The following NOS1AP variants were observed in gnomAD, a reference collection of about 807,000 sequenced individuals.
NOS1AP encodes the protein carboxyl-terminal PDZ ligand of neuronal nitric oxide synthase protein.
Under a neutral mutation model 56.2 loss-of-function variants are expected in NOS1AP, and 21 were observed. The observed-to-expected ratio is 0.37, with a 90% confidence interval of 0.26 to 0.54. NOS1AP has a LOEUF of 0.54. NOS1AP is among the 20% of genes least tolerant of loss of function. The pLI is 0.84. For synonymous variants in NOS1AP, 270 were observed against 274.6 expected (o/e 0.98, Z 0.17); for missense variants, 522 against 657.8 (o/e 0.79, Z 2.26).
intron 2 of NOS1AP, among the ~76,000 whole-genome samples, chr1:162,244,315 C>G (rs1326464432): frequency 6.6e-6 from 1 of 152,192 alleles, no homozygotes; most frequent in African/African-American, 2.4e-5. Flanking sequence ...CTTTGAGACA[C>G]ATTCTCAAGG....
At chr1:162,257,415 A>C (rs145896932) in intron 2 of NOS1AP, among the ~76,000 whole-genome samples, 1 of 152,004 alleles carries the variant, frequency 6.6e-6, no homozygotes, top group Admixed American at 6.6e-5. Context: ...TTGGGAGACC[A>C]AGGTGGGTGG....
intron 6 of NOS1AP, among the ~76,000 whole-genome samples, chr1:162,351,479 A>G (rs1159384855): frequency 6.6e-6 from 1 of 152,144 alleles, no homozygotes; most frequent in Non-Finnish European, 1.5e-5. Flanking sequence ...CTACTTCACC[A>G]TTCAGCAGCC....
chr1:162,258,821 A>G (rs1428966970), intron 2 of NOS1AP, among the ~76,000 whole-genome samples: 3 of 152,208 alleles, frequency 2.0e-5, no homozygotes, highest in Non-Finnish European at 4.4e-5. Flanking sequence ...ATTTATCATC[A>G]TTAAATATTG....
intron 1 of NOS1AP, among the ~76,000 whole-genome samples, chr1:162,125,451 A>G (rs1183633719): frequency 1.3e-5 from 2 of 152,118 alleles, no homozygotes; most frequent in African/African-American, 2.4e-5. Context: ...ATTTTTATAT[A>G]TGGTGAGAGA....
At position 162,194,742 on chromosome 1, in the gene NOS1AP, CG is replaced by C. The variant is rs1188880197; in HGVS notation, c.177+40272del. On this transcript the variant is annotated intron_variant, in intron 2 of 9. Transcript: ENST00000361897. ...TCTCGCCAACAGCCCTTGCTTTCCT[CG>C]GGGGGTTGGGGCTGAGAGACACAGA... Among the ~76,000 whole-genome samples the C allele has an allele frequency of 1.2e-4, 19 of 152,190 alleles. No individual in the cohort carries two copies. In the South Asian group the frequency reaches 1.7e-3, roughly 13 times the overall value.
At chr1:162,204,118 T>A (rs761885616) in intron 2 of NOS1AP, among the ~76,000 whole-genome samples, 1 of 152,180 alleles carries the variant, frequency 6.6e-6, no homozygotes, top group Non-Finnish European at 1.5e-5. Flanking sequence ...CTGCAATAGT[T>A]CATCCATGCT....
At chr1:162,293,438 A>G (rs1025058024) in intron 3 of NOS1AP, among the ~76,000 whole-genome samples, 1 of 152,234 alleles carries the variant, frequency 6.6e-6, no homozygotes, top group Admixed American at 6.5e-5. Context: ...AGAAAGGACC[A>G]CTGTGATAAT....
intron 9 of NOS1AP, among the ~76,000 whole-genome samples, chr1:162,365,923 G>C (rs910463775): frequency 1.3e-5 from 2 of 152,096 alleles, no homozygotes; most frequent in Admixed American, 1.3e-4. Flanking sequence ...CAGTATACTT[G>C]GCACCTATTG....
chr1:162,082,408 A>G (rs772966164), intron 1 of NOS1AP, among the ~76,000 whole-genome samples: 5 of 152,214 alleles, frequency 3.3e-5, no homozygotes, highest in Non-Finnish European at 5.9e-5. Flanking sequence ...ATACACATGC[A>G]TGTGTCTTTA....
chr1:162,278,610 G>A (rs143358066), intron 2 of NOS1AP, among the ~76,000 whole-genome samples: 106 of 151,504 alleles, frequency 7.0e-4, no homozygotes, highest in African/African-American at 2.5e-3. Flanking sequence ...GCAGAAAACC[G>A]TAAATCCTTG....
At chr1:162,184,138 T>C (rs1189121369) in intron 2 of NOS1AP, among the ~76,000 whole-genome samples, 1 of 152,152 alleles carries the variant, frequency 6.6e-6, no homozygotes, top group Non-Finnish European at 1.5e-5. Context: ...AATATTATTG[T>C]GTCTCAGGGA....
chr1:162,294,246 T>G (rs1655378950), intron 3 of NOS1AP, among the ~76,000 whole-genome samples: 1 of 143,600 alleles, frequency 7.0e-6, no homozygotes, highest in Non-Finnish European at 1.5e-5. Flanking sequence ...GAAGGAAGGA[T>G]AGCAAAAGGC....
intron 1 of NOS1AP, among the ~76,000 whole-genome samples, chr1:162,072,181 T>C (rs1483093316): frequency 2.6e-5 from 4 of 152,194 alleles, no homozygotes; most frequent in African/African-American, 9.7e-5. Context: ...TAAAACCTAG[T>C]GTGCATAAGA....
intron 2 of NOS1AP, among the ~76,000 whole-genome samples, chr1:162,169,535 C>A (rs1383513809): frequency 6.6e-6 from 1 of 152,164 alleles, no homozygotes; most frequent in Admixed American, 6.5e-5. Flanking sequence ...CTTTAAGAAT[C>A]CAGTACCCTT....
rs1429086826 is a variant in NOS1AP, at chr1:162,303,928, A to G, written c.344+3222A>G. Among the ~76,000 whole-genome samples, 6 of 122,188 alleles carry G rather than the reference A, an allele frequency of 4.9e-5. No homozygotes were observed. The South Asian group carries it at 1.5e-3, about 31-fold the overall frequency. 80.2% of individuals were successfully genotyped at this position (122,188 alleles called of 152,430 possible). On this transcript the variant is annotated intron_variant, in intron 4 of 9. Coordinates refer to ENST00000361897, the MANE Select transcript of NOS1AP (RefSeq NM_014697.3). ...TCTTTTTTTTTTTTTTTTTTTTTTA[A>G]ATAGTGTCTTTTAAAGAGCAAAAGT... is the stretch of plus-strand genomic sequence containing the variant.
intron 1 of NOS1AP, among the ~76,000 whole-genome samples, chr1:162,137,028 G>C (rs747288066): frequency 3.5e-4 from 53 of 152,270 alleles, no homozygotes; most frequent in Middle Eastern, 3.4e-3. Flanking sequence ...CTTGGTACTT[G>C]ATCTCTGAAT....
At chr1:162,341,258 TC>T (rs1290179954) in intron 5 of NOS1AP, among the ~76,000 whole-genome samples, 2 of 152,206 alleles carry the variant, frequency 1.3e-5, no homozygotes, top group Non-Finnish European at 2.9e-5. Flanking sequence ...TAACACGTCC[TC>T]CTTAGGAAAA....
chr1:162,155,527 A>G (rs1649936290), intron 2 of NOS1AP, among the ~76,000 whole-genome samples: 1 of 151,664 alleles, frequency 6.6e-6, no homozygotes, highest in Admixed American at 6.6e-5. Flanking sequence ...GATTTGAACA[A>G]AATTTTATTG....
chr1:162,155,675 T>G (rs1217096964), intron 2 of NOS1AP, among the ~76,000 whole-genome samples: 1 of 152,178 alleles, frequency 6.6e-6, no homozygotes, highest in African/African-American at 2.4e-5. Context: ...CTGTGGTACA[T>G]GAAGCTGAGA....
Sources: allele counts gnomAD v4.1 joint callset (sites outside exome capture counted in the v4.1 genomes callset), GRCh38; gene constraint gnomAD v4.1.1; transcripts MANE v1.5; gene names NCBI Gene and HGNC (gene_info 2026-07-23, HGNC 2026-07-21).